The following PDCD10 variants were observed in gnomAD, a reference collection of about 807,000 sequenced individuals.
The protein encoded by PDCD10 is programmed cell death protein 10.
A neutral mutation model predicts 29.2 loss-of-function variants in PDCD10; 4 were observed. The observed-to-expected ratio is 0.14, with a 90% confidence interval of 0.07 to 0.31. PDCD10 has a LOEUF of 0.31. Among genes scored for constraint, PDCD10 ranks in the 10% least tolerant of loss-of-function variants. The pLI is 1.00. For missense variants in PDCD10, 183 were observed against 257.9 expected, an observed-to-expected ratio of 0.71 and a Z score of 1.99; for synonymous variants, 70 against 82.2, an observed-to-expected ratio of 0.85 and a Z score of 0.80.
In PDCD10 at chr3:167,697,129, A is replaced by G. The variant is rs1285044583; in HGVS notation, c.151-3T>C. The G allele has an allele frequency of 6.7e-7, 1 of 1,482,894 alleles. No homozygotes were observed. Among genetic ancestry groups the G allele is most frequent in the Non-Finnish European group, 9.4e-7 (1 of 1,061,578 alleles). 91.9% of individuals were successfully genotyped at this position (1,482,894 alleles called of 1,614,324 possible). On this transcript the variant is annotated splice_region_variant and splice_polypyrimidine_tract_variant and intron_variant, in intron 4 of 8. Transcript: ENST00000392750. The stretch of plus-strand genomic sequence containing the variant: ...AGACCTGGATTTTCTTTTTCAGCCT[A>G]TAATAAAGAGAAAACTAGTTTTGAA...
rs186716971 is a variant in PDCD10 at position 167,707,116 on chromosome 3, T to C, written c.97-2221A>G. Among the ~76,000 whole-genome samples the C allele has an allele frequency of 3.0e-4, 45 of 152,282 alleles. 2 individuals carry two copies. In the East Asian group the frequency reaches 8.5e-3, roughly 29 times the overall value. On this transcript the variant is annotated intron_variant, in intron 3 of 8. Coordinates refer to ENST00000392750, the MANE Select transcript of PDCD10 (RefSeq NM_007217.4). ...CAACGTGAAGCAGCTATATGAAAAG[T>C]GGAGTGACTGCCATCAGTTGAAGCA... is the stretch of plus-strand genomic sequence containing the variant.
intron 4 of PDCD10, among the ~76,000 whole-genome samples, chr3:167,699,147 A>G (rs1420037384): frequency 2.6e-5 from 4 of 152,192 alleles, no homozygotes; most frequent in African/African-American, 9.7e-5. Flanking sequence ...TAATTTCTCA[A>G]ACATTGGTCT....
intron 8 of PDCD10, among the ~76,000 whole-genome samples, chr3:167,686,342 A>G (rs1719626677): frequency 6.6e-6 from 1 of 152,182 alleles, no homozygotes; most frequent in Non-Finnish European, 1.5e-5. Flanking sequence ...TATATTTCCT[A>G]TTTTATAGAA....
intron 4 of PDCD10, among the ~76,000 whole-genome samples, chr3:167,702,786 A>C (rs768900051): frequency 5.3e-5 from 8 of 152,200 alleles, no homozygotes; most frequent in Non-Finnish European, 1.0e-4. Context: ...TAAAAAATAC[A>C]AGCATCTTTA....
chr3:167,700,631 C>T (rs1001723292), intron 4 of PDCD10, among the ~76,000 whole-genome samples: 3 of 152,094 alleles, frequency 2.0e-5, no homozygotes, highest in African/African-American at 2.4e-5. Flanking sequence ...ATAAGAAAGG[C>T]ATACCTATAG....
At chr3:167,685,419 A>G (rs1719503609) in intron 8 of PDCD10, among the ~76,000 whole-genome samples, 1 of 150,866 alleles carries the variant, frequency 6.6e-6, no homozygotes, top group South Asian at 2.1e-4. Context: ...AAAAAAAAAA[A>G]AGAGAAGGGC....
chr3:167,727,402 T>A (rs1012735409), intron 2 of PDCD10, among the ~76,000 whole-genome samples: 1 of 152,164 alleles, frequency 6.6e-6, no homozygotes, highest in African/African-American at 2.4e-5. Context: ...TAAATTCTGA[T>A]CTGAGTAAAA....
At chr3:167,688,153 GTATT>G (rs1202195446) in intron 6 of PDCD10, among the ~76,000 whole-genome samples, 1 of 152,046 alleles carries the variant, frequency 6.6e-6, no homozygotes, top group Non-Finnish European at 1.5e-5. Context: ...ACTCAATTCT[GTATT>G]TAACAATGCT....
At chr3:167,717,835 T>C (rs909446865) in intron 3 of PDCD10, among the ~76,000 whole-genome samples, 5 of 152,110 alleles carry the variant, frequency 3.3e-5, no homozygotes, top group African/African-American at 1.2e-4. Flanking sequence ...ATGCTGTTAA[T>C]GTTTGATCAG....
rs115380751 is a variant in PDCD10, at chr3:167,707,897, G to C, written c.97-3002C>G. ...CCAGTAAAAGAGTAAGAGAAAATAA[G>C]AGAATCAGAGTGAGAGAAAAGGTTT... is the stretch of plus-strand genomic sequence containing the variant. On this transcript the variant is annotated intron_variant, in intron 3 of 8. Coordinates refer to ENST00000392750, the MANE Select transcript of PDCD10 (RefSeq NM_007217.4). 5.9e-3 allele frequency among the ~76,000 whole-genome samples: 903 copies of C among 152,176 alleles called. 12 individuals are homozygous for C. The highest frequency in any genetic ancestry group is 0.021 in the African/African-American group (851 of 41,510).
chr3:167,693,068 G>T (rs1303887472), intron 6 of PDCD10, among the ~76,000 whole-genome samples: 1 of 152,194 alleles, frequency 6.6e-6, no homozygotes, highest in African/African-American at 2.4e-5. Flanking sequence ...TAGCTGGGTT[G>T]CATACCTATC....
At chr3:167,725,365 G>C (rs1724007437) in intron 2 of PDCD10, 1 of 151,992 alleles carries the variant, frequency 6.6e-6, no homozygotes, top group Admixed American at 6.6e-5. Context: ...TAACAAAGCG[G>C]GGTGGGGTTA....
intron 3 of PDCD10, among the ~76,000 whole-genome samples, chr3:167,713,830 C>CCACT: frequency 6.6e-6 from 1 of 151,824 alleles, no homozygotes; most frequent in South Asian, 2.1e-4. Flanking sequence ...CAGACATATA[C>CCACT]CACTTATCAA....
At chr3:167,689,233 G>T (rs1471200069) in intron 6 of PDCD10, among the ~76,000 whole-genome samples, 4 of 152,018 alleles carry the variant, frequency 2.6e-5, no homozygotes, top group African/African-American at 9.7e-5. Context: ...TGGTGTGATG[G>T]ACATAAACCC....
At chr3:167,709,690 A>C (rs904588099) in intron 3 of PDCD10, among the ~76,000 whole-genome samples, 1 of 152,180 alleles carries the variant, frequency 6.6e-6, no homozygotes, top group African/African-American at 2.4e-5. Flanking sequence ...GACACGTCTT[A>C]GTGTTGTGCT....
Position 167,684,380 on chromosome 3 carries a change from AT to A in PDCD10, c.566del (p.Asn189MetfsTer4). On this transcript the variant is annotated frameshift_variant, in exon 9 of 9. Coordinates refer to ENST00000392750, the MANE Select transcript of PDCD10 (RefSeq NM_007217.4). LOFTEE classifies it high-confidence loss of function. ...KTYFKDGKAI[N>X]VFVSANRLIH... Reference sequence around the variant, plus strand: ...TTAGTCGGTTGGCACTTACGAACACATTTATTGCCCTGTTTAAAAAGAAAAG... The same window carrying A: ...TTAGTCGGTTGGCACTTACGAACACATTATTGCCCTGTTTAAAAAGAAAAG... 1.3e-6 allele frequency: 2 copies of A among 1,591,426 alleles called. No individual in the cohort carries two copies. The highest frequency in any genetic ancestry group is 1.7e-6 in the Non-Finnish European group (2 of 1,159,784).
intron 2 of PDCD10, among the ~76,000 whole-genome samples, chr3:167,727,300 C>T (rs910934167): frequency 3.3e-5 from 5 of 152,164 alleles, no homozygotes; most frequent in South Asian, 2.1e-4. Flanking sequence ...TTGGCTCCTA[C>T]GATATTTCAA....
rs146916626 is a variant in PDCD10 at position 167,704,296 on chromosome 3, C to T, written c.150+546G>A. On this transcript the variant is annotated intron_variant, in intron 4 of 8. Coordinates refer to ENST00000392750, the MANE Select transcript of PDCD10 (RefSeq NM_007217.4). Reference sequence around the variant, plus strand: ...AGGCTGGATCACAGCGGCATGATCACGTCCCACTGTAACCTCAAACTCCTG... The same window carrying T: ...AGGCTGGATCACAGCGGCATGATCATGTCCCACTGTAACCTCAAACTCCTG... Among the ~76,000 whole-genome samples the T allele has an allele frequency of 2.6e-3, 390 of 152,222 alleles. 2 individuals carry two copies. Among genetic ancestry groups the T allele is most frequent in the African/African-American group, 9.0e-3 (374 of 41,548 alleles).
At chr3:167,696,943 A>C in intron 5 of PDCD10, 66 bp downstream of exon 5, 1 of 858,178 alleles carries the variant, frequency 1.2e-6, no homozygotes, top group Non-Finnish European at 2.0e-6. Flanking sequence ...TGGTCAAATA[A>C]TAATGATTTA....
Sources: gnomAD v4.1 joint callset for allele counts (sites outside exome capture counted in the v4.1 genomes callset) on GRCh38, gnomAD v4.1.1 for gene constraint, MANE v1.5 for transcripts, NCBI Gene and HGNC (gene_info 2026-07-23, HGNC 2026-07-21) for gene names.